ROBO1: variants seen among roughly 807,000 people sequenced by gnomAD.
The protein encoded by ROBO1 is roundabout guidance receptor 1, also known as roundabout homolog 1.
A neutral mutation model predicts 195.9 loss-of-function variants in ROBO1; 149 were observed. That is an observed-to-expected ratio of 0.76 (90% CI 0.67 to 0.87). ROBO1 has a LOEUF of 0.87. Among genes scored for constraint, ROBO1 ranks in the 40% least tolerant of loss-of-function variants. The pLI is 0.00. For synonymous variants in ROBO1, 816 were observed against 733.2 expected (o/e 1.11, Z -1.82); for missense variants, 1,933 against 2,068.3 (o/e 0.93, Z 1.27).
intron 4 of ROBO1, among the ~76,000 whole-genome samples, chr3:78,877,492 A>G (rs1007262736): frequency 2.0e-5 from 3 of 151,998 alleles, no homozygotes; most frequent in African/African-American, 7.3e-5. Context: ...CTTAGGCTGA[A>G]TTTCAAAAAG....
intron 3 of ROBO1, among the ~76,000 whole-genome samples, chr3:79,051,161 C>A (rs1472393645): frequency 2.0e-5 from 3 of 151,818 alleles, no homozygotes; most frequent in African/African-American, 7.3e-5. Context: ...AGACCAATAG[C>A]AAGACTAATA....
At chr3:79,549,584 A>G (rs541859080) in intron 2 of ROBO1, among the ~76,000 whole-genome samples, 1 of 152,310 alleles carries the variant, frequency 6.6e-6, no homozygotes, top group South Asian at 2.1e-4. Flanking sequence ...CAACTTACAT[A>G]GCATTTCTAT....
intron 1 of ROBO1, among the ~76,000 whole-genome samples, chr3:79,679,905 A>C (rs930315283): frequency 1.3e-5 from 2 of 152,060 alleles, no homozygotes; most frequent in African/African-American, 4.8e-5. Flanking sequence ...GCTGGATCCA[A>C]TGTTCTTGAG....
At chr3:79,004,011 C>T (rs568253557) in intron 3 of ROBO1, among the ~76,000 whole-genome samples, 17 of 152,242 alleles carry the variant, frequency 1.1e-4, no homozygotes, top group Admixed American at 2.6e-4. Flanking sequence ...CTGCACTATA[C>T]CATAATCAGT....
intron 2 of ROBO1, among the ~76,000 whole-genome samples, chr3:79,582,893 T>C (rs1576067112): frequency 6.6e-6 from 1 of 152,050 alleles, no homozygotes; most frequent in African/African-American, 2.4e-5. Flanking sequence ...CTTTTCAACC[T>C]TGTAAAACTC....
intron 2 of ROBO1, among the ~76,000 whole-genome samples, chr3:79,394,592 TGTATAGG>T: frequency 6.6e-6 from 1 of 152,044 alleles, no homozygotes. Flanking sequence ...TGGAAGCGAC[TGTATAGG>T]AAGATATAAG....
chr3:79,008,378 C>A (rs1183636896), intron 3 of ROBO1, among the ~76,000 whole-genome samples: 3 of 151,910 alleles, frequency 2.0e-5, no homozygotes, highest in Non-Finnish European at 2.9e-5. Context: ...ATTATTATCA[C>A]AATTGATAGT....
intron 5 of ROBO1, among the ~76,000 whole-genome samples, chr3:78,738,716 C>G (rs1014439243): frequency 1.3e-5 from 2 of 151,940 alleles, no homozygotes; most frequent in Non-Finnish European, 2.9e-5. Context: ...GTTGGTTTTC[C>G]TAGGTAAGGT....
chr3:79,520,243 G>A (rs1941152473), intron 2 of ROBO1, among the ~76,000 whole-genome samples: 3 of 151,966 alleles, frequency 2.0e-5, no homozygotes. Context: ...AGTAAAACAG[G>A]CAGAAGGAAA....
chr3:78,854,831 A>C (rs1235947846), intron 4 of ROBO1, among the ~76,000 whole-genome samples: 1 of 152,168 alleles, frequency 6.6e-6, no homozygotes, highest in Non-Finnish European at 1.5e-5. Context: ...TATTTCAACT[A>C]ACTTTTATAG....
chr3:78,655,182 G>A (rs996484758), intron 18 of ROBO1, among the ~76,000 whole-genome samples: 1 of 152,118 alleles, frequency 6.6e-6, no homozygotes, highest in African/African-American at 2.4e-5. Flanking sequence ...ATATGGATAA[G>A]TTCTTTAGTG....
At chr3:79,584,895 C>T (rs184164580) in intron 2 of ROBO1, among the ~76,000 whole-genome samples, 1 of 151,616 alleles carries the variant, frequency 6.6e-6, no homozygotes. Flanking sequence ...AGAACACCCA[C>T]CTGACAGCTT....
At chr3:79,500,117 C>CTGTT (rs1559944090) in intron 2 of ROBO1, among the ~76,000 whole-genome samples, 3 of 110,612 alleles carry the variant, frequency 2.7e-5, no homozygotes, top group African/African-American at 1.1e-4. Flanking sequence ...AGTAAGTTTT[C>CTGTT]TCTTTTTTTT....
At chr3:78,886,205 C>A (rs186051609) in intron 4 of ROBO1, among the ~76,000 whole-genome samples, 2 of 151,622 alleles carry the variant, frequency 1.3e-5, no homozygotes, top group African/African-American at 4.8e-5. Context: ...AGAAACAATA[C>A]GAAAATAAGC....
chr3:78,663,898 C>T (rs1707581401), intron 14 of ROBO1, among the ~76,000 whole-genome samples: 1 of 152,152 alleles, frequency 6.6e-6, no homozygotes, highest in African/African-American at 2.4e-5. Context: ...AAATCATCCC[C>T]CTTTCAGAAA....
intron 26 of ROBO1, among the ~76,000 whole-genome samples, chr3:78,622,315 A>G (rs1178671428): frequency 1.3e-5 from 2 of 152,208 alleles, no homozygotes; most frequent in Non-Finnish European, 2.9e-5. Context: ...CAGTAATTTT[A>G]TTAATGTATC....
At chr3:79,439,706 C>A (rs545616639) in intron 2 of ROBO1, among the ~76,000 whole-genome samples, 8 of 152,154 alleles carry the variant, frequency 5.3e-5, no homozygotes, top group African/African-American at 1.9e-4. Context: ...CGCAATACAT[C>A]ATTTTCAGAT....
intron 4 of ROBO1, among the ~76,000 whole-genome samples, chr3:78,908,974 T>TA (rs958653514): frequency 6.6e-6 from 1 of 151,810 alleles, no homozygotes; most frequent in African/African-American, 2.4e-5. Flanking sequence ...CTAGAATGAA[T>TA]AAAAAATATG....
chr3:79,754,834 T>C (rs1053866152), intron 1 of ROBO1, among the ~76,000 whole-genome samples: 1 of 152,202 alleles, frequency 6.6e-6, no homozygotes, highest in South Asian at 2.1e-4. Context: ...TATTTTCCCC[T>C]ACCCAAGCTC....
Sources: allele counts gnomAD v4.1 joint callset (sites outside exome capture counted in the v4.1 genomes callset), GRCh38; gene constraint gnomAD v4.1.1; transcripts MANE v1.5; gene names NCBI Gene and HGNC (gene_info 2026-07-23, HGNC 2026-07-21).